Variants in SHISA6 observed in about 807,000 individuals in gnomAD.
The protein encoded by SHISA6 is shisa family member 6, also known as protein shisa-6.
In SHISA6, 22 loss-of-function variants were observed where a neutral mutation model predicts 47.9. The observed-to-expected ratio is 0.46, with a 90% CI of 0.33 to 0.66. SHISA6 has a LOEUF of 0.66. SHISA6 is among the 30% of genes least tolerant of loss of function. The pLI is 0.02. For synonymous variants in SHISA6, 388 were observed against 337.8 expected, an observed-to-expected ratio of 1.15 and a Z score of -1.63; for missense variants, 680 against 764.6, an observed-to-expected ratio of 0.89 and a Z score of 1.30.
intron 1 of SHISA6, among the ~76,000 whole-genome samples, chr17:11,246,660 G>A (rs565372392): frequency 2.0e-5 from 3 of 152,286 alleles, no homozygotes; most frequent in Admixed American, 2.0e-4. Flanking sequence ...TCCCACTGAA[G>A]GGACAAAGTG....
intron 2 of SHISA6, among the ~76,000 whole-genome samples, chr17:11,296,808 G>A (rs755927166): frequency 3.3e-5 from 5 of 152,092 alleles, no homozygotes; most frequent in Admixed American, 6.5e-5. Context: ...GGTAGGAGCT[G>A]ATCAGAAAGG....
chr17:11,374,989 C>A (rs777841107), intron 2 of SHISA6, among the ~76,000 whole-genome samples: 16 of 152,124 alleles, frequency 1.1e-4, no homozygotes, highest in Non-Finnish European at 2.9e-5. Flanking sequence ...ACTGTCCCAC[C>A]TCTACAAAAA....
intron 3 of SHISA6, among the ~76,000 whole-genome samples, chr17:11,469,580 T>C (rs1455435002): frequency 6.6e-6 from 1 of 151,988 alleles, no homozygotes; most frequent in Admixed American, 6.6e-5. Flanking sequence ...AGAGCAGGGG[T>C]TGGCGGGGGT....
chr17:11,510,457 T>C (rs970755639), intron 3 of SHISA6, among the ~76,000 whole-genome samples: 1 of 152,164 alleles, frequency 6.6e-6, no homozygotes, highest in African/African-American at 2.4e-5. Flanking sequence ...AGCCACCCAA[T>C]GGACCTTGCC....
At chr17:11,535,650 G>A (rs549055009) in intron 3 of SHISA6, among the ~76,000 whole-genome samples, 5 of 152,204 alleles carry the variant, frequency 3.3e-5, no homozygotes, top group Admixed American at 6.5e-5. Context: ...GTATTTGCAC[G>A]TTCTGGCAAA....
chr17:11,417,126 GA>G (rs1490125234), intron 3 of SHISA6, among the ~76,000 whole-genome samples: 1 of 152,090 alleles, frequency 6.6e-6, no homozygotes, highest in Non-Finnish European at 1.5e-5. Context: ...CCATGAGACA[GA>G]AAATGCTAAA....
At chr17:11,368,773 C>T (rs1440206493) in intron 2 of SHISA6, among the ~76,000 whole-genome samples, 1 of 152,146 alleles carries the variant, frequency 6.6e-6, no homozygotes, top group Non-Finnish European at 1.5e-5. Flanking sequence ...TCTCCTGCCT[C>T]AGCCTCCTGA....
chr17:11,245,231 A>T (rs1907529897), intron 1 of SHISA6, among the ~76,000 whole-genome samples: 1 of 152,238 alleles, frequency 6.6e-6, no homozygotes. Flanking sequence ...ATTGAAAGGC[A>T]GAGCTGGGTG....
intron 3 of SHISA6, among the ~76,000 whole-genome samples, chr17:11,455,530 AGT>A (rs1464298200): frequency 6.6e-6 from 1 of 152,136 alleles, no homozygotes; most frequent in Non-Finnish European, 1.5e-5. Context: ...CAAGCGTGGA[AGT>A]GTGTGTACAA....
intron 2 of SHISA6, among the ~76,000 whole-genome samples, chr17:11,358,062 C>G (rs895812931): frequency 3.3e-5 from 5 of 151,880 alleles, no homozygotes; most frequent in Non-Finnish European, 7.4e-5. Flanking sequence ...TAAAATTTAC[C>G]ATTTTATCCA....
In SHISA6 at chr17:11,386,468, T is replaced by C. The variant is rs191492267; in HGVS notation, c.895+6959T>C. On this transcript the variant is annotated intron_variant, in intron 3 of 5. Transcript: ENST00000441885. ...CAGACTACAGGTACTGACAACTCTT[T>C]AGAGTTTTAATGTTAAGGATTATAG... is the stretch of plus-strand genomic sequence containing the variant. Among the ~76,000 whole-genome samples, 133 of 152,292 alleles carry C rather than the reference T, an allele frequency of 8.7e-4. 2 individuals are homozygous for C. The highest frequency in any genetic ancestry group is 3.0e-3 in the African/African-American group (124 of 41,556).
intron 3 of SHISA6, among the ~76,000 whole-genome samples, chr17:11,500,338 A>G (rs752156452): frequency 2.0e-5 from 3 of 152,174 alleles, no homozygotes; most frequent in Non-Finnish European, 4.4e-5. Context: ...ATGAGGTTGC[A>G]CAACTCCAAT....
chr17:11,501,857 T>C (rs771192992), intron 3 of SHISA6, among the ~76,000 whole-genome samples: 2 of 152,004 alleles, frequency 1.3e-5, no homozygotes, highest in Admixed American at 6.6e-5. Flanking sequence ...TCTCCTAATA[T>C]AGTGGAAAAG....
chr17:11,261,507 A>G (rs1908231977), intron 1 of SHISA6, among the ~76,000 whole-genome samples: 1 of 152,226 alleles, frequency 6.6e-6, no homozygotes, highest in Admixed American at 6.5e-5. Context: ...GCCCCTGGTA[A>G]CCACAGTTCT....
intron 2 of SHISA6, among the ~76,000 whole-genome samples, chr17:11,374,199 T>A (rs117585378): frequency 6.6e-6 from 1 of 152,310 alleles, no homozygotes; most frequent in East Asian, 1.9e-4. Context: ...CTCCTTTGAG[T>A]CGCCTATGCA....
At chr17:11,466,878 C>T (rs565997782) in intron 3 of SHISA6, among the ~76,000 whole-genome samples, 1 of 152,286 alleles carries the variant, frequency 6.6e-6, no homozygotes, top group East Asian at 1.9e-4. Context: ...ATTCGGCCTG[C>T]TTAGGACACT....
intron 3 of SHISA6, among the ~76,000 whole-genome samples, chr17:11,393,574 T>G (rs1265791345): frequency 6.6e-6 from 1 of 152,200 alleles, no homozygotes; most frequent in Non-Finnish European, 1.5e-5. Flanking sequence ...CTCAGCTCTA[T>G]TGTTATTACT....
chr17:11,411,759 T>G (rs1448328843), intron 3 of SHISA6, among the ~76,000 whole-genome samples: 1 of 152,202 alleles, frequency 6.6e-6, no homozygotes, highest in Admixed American at 6.5e-5. Flanking sequence ...ATGGAGAACC[T>G]CTGCATGTTA....
intron 3 of SHISA6, among the ~76,000 whole-genome samples, chr17:11,547,531 T>G (rs1272112937): frequency 6.6e-6 from 1 of 152,234 alleles, no homozygotes; most frequent in Non-Finnish European, 1.5e-5. Context: ...ATAAGAACAC[T>G]GTGTATTGTT....
Sources: gnomAD v4.1 joint callset for allele counts (sites outside exome capture counted in the v4.1 genomes callset) on GRCh38, gnomAD v4.1.1 for gene constraint, MANE v1.5 for transcripts, NCBI Gene and HGNC (gene_info 2026-07-23, HGNC 2026-07-21) for gene names.